Variants in FRRS1 observed in about 807,000 individuals in gnomAD.
The protein encoded by FRRS1 is ferric chelate reductase 1.
A neutral mutation model predicts 70.7 loss-of-function variants in FRRS1; 51 were observed. The observed-to-expected ratio is 0.72, with a 90% CI of 0.58 to 0.91. The LOEUF (loss-of-function observed/expected upper bound fraction) is 0.91, where lower values mean the gene tolerates loss of function less well. Ranked by LOEUF, FRRS1 falls within the 40% of genes least tolerant of loss-of-function variation. The pLI is 0.00. For missense variants in FRRS1, 672 were observed against 726.0 expected, an observed-to-expected ratio of 0.93 and a Z score of 0.86; for synonymous variants, 225 against 238.7, an observed-to-expected ratio of 0.94 and a Z score of 0.53.
At position 99,715,673 on chromosome 1, in the gene FRRS1, C is replaced by G; in HGVS notation, c.1237-1G>C. On this transcript the variant is annotated splice_acceptor_variant, in intron 11 of 16. Coordinates refer to ENST00000646001, the MANE Select transcript of FRRS1 (RefSeq NM_001361041.2). LOFTEE classifies it high-confidence loss of function. ...TGGTGAACATGAGCATCCGATGCAC[C>G]TGCAAGGTAAAATGACAAATTAAGA... 1 of 1,607,382 alleles carries G rather than the reference C, an allele frequency of 6.2e-7. No individual in the cohort carries two copies. Among genetic ancestry groups the G allele is most frequent in the East Asian group, 2.2e-5 (1 of 44,820 alleles).
At chr1:99,729,847 A>G (rs2100939684) in intron 7 of FRRS1, 99 bp from the exon 8 acceptor site, 2 of 709,964 alleles carry the variant, frequency 2.8e-6, no homozygotes, top group Non-Finnish European at 4.9e-6. Context: ...ATATTATGTG[A>G]TGCTTTGAAA....
At chr1:99,729,501 T>C in intron 8 of FRRS1, 149 bp downstream of exon 8, 1 of 538,148 alleles carries the variant, frequency 1.9e-6, no homozygotes, top group Non-Finnish European at 3.4e-6. Context: ...CAGAAATCAT[T>C]ATGAGAGGAG....
intron 9 of FRRS1, among the ~76,000 whole-genome samples, chr1:99,723,350 T>C (rs1654927766): frequency 6.6e-6 from 1 of 151,788 alleles, no homozygotes; most frequent in South Asian, 2.1e-4. Context: ...ACCCCATTTC[T>C]ACAAAAAATA....
At chr1:99,743,982 C>T (rs1474660112) in intron 4 of FRRS1, among the ~76,000 whole-genome samples, 1 of 150,740 alleles carries the variant, frequency 6.6e-6, no homozygotes, top group Non-Finnish European at 1.5e-5. Flanking sequence ...AGCTGAATTG[C>T]TTGATATATA....
chr1:99,712,789 A>C (rs1397666676), intron 12 of FRRS1, among the ~76,000 whole-genome samples: 1 of 152,206 alleles, frequency 6.6e-6, no homozygotes, highest in Non-Finnish European at 1.5e-5. Context: ...CAGAGATATC[A>C]AGAACTATGT....
chr1:99,740,769 A>G (rs748635236), intron 6 of FRRS1, 24 bp downstream of exon 6: 2 of 1,555,288 alleles, frequency 1.3e-6, no homozygotes, highest in South Asian at 1.1e-5. Context: ...CCATCTCTAC[A>G]GAGAAAATAA....
chr1:99,727,697 G>C (rs958037078), intron 9 of FRRS1, among the ~76,000 whole-genome samples: 1 of 152,100 alleles, frequency 6.6e-6, no homozygotes, highest in Admixed American at 6.6e-5. Flanking sequence ...TTTTCAAAGT[G>C]GGCTATATTC....
intron 1 of FRRS1, among the ~76,000 whole-genome samples, chr1:99,752,158 G>T (rs553641730): frequency 1.2e-4 from 18 of 152,184 alleles, no homozygotes; most frequent in African/African-American, 4.3e-4. Flanking sequence ...CAACAATAAG[G>T]CTGTTTTGCC....
intron 9 of FRRS1, among the ~76,000 whole-genome samples, chr1:99,719,974 A>C (rs754812419): frequency 6.6e-6 from 1 of 152,200 alleles, no homozygotes; most frequent in Admixed American, 6.5e-5. Context: ...ATATGGTCAC[A>C]AATCATTGAA....
In FRRS1 at chr1:99,719,599, T is replaced by C. The variant is rs770135851; in HGVS notation, c.1055A>G (p.Tyr352Cys). 4.3e-6 allele frequency: 7 copies of C among 1,612,042 alleles called. No individual in the cohort carries two copies. The highest frequency in any genetic ancestry group is 5.1e-6 in the Non-Finnish European group (6 of 1,178,380). ...GTTCTTTGGAGAGTCTGTCACATCA[T>C]ATTTTTCATAGGTAATCAAAGGTTG... The part of the protein sequence containing the change: ...SQQPLITYEK[Y>C]DVTDSPKNIG... Residue 352 changes from tyrosine (Y) to cysteine (C), a missense_variant, in exon 10 of 17, where the codon TAT (tyrosine) becomes TGT (cysteine). Tyr to Cys is a radical substitution (Grantham distance 194, BLOSUM62 -2). Transcript: ENST00000646001.
At chr1:99,758,911 A>C (rs1656981380) in intron 1 of FRRS1, among the ~76,000 whole-genome samples, 2 of 152,102 alleles carry the variant, frequency 1.3e-5, no homozygotes, top group Non-Finnish European at 1.5e-5. Flanking sequence ...ATAAGGACTG[A>C]GATACGCCCT....
intron 7 of FRRS1, among the ~76,000 whole-genome samples, chr1:99,733,701 G>T (rs929704573): frequency 1.3e-5 from 2 of 152,152 alleles, no homozygotes; most frequent in Non-Finnish European, 2.9e-5. Context: ...AAGAAAACTC[G>T]TATTTTCATA....
intron 7 of FRRS1, among the ~76,000 whole-genome samples, chr1:99,737,835 C>T (rs1655747442): frequency 6.6e-6 from 1 of 152,136 alleles, no homozygotes; most frequent in Non-Finnish European, 1.5e-5. Flanking sequence ...CTCCACCTCC[C>T]AGGTTCAAGT....
chr1:99,714,233 G>A (rs1654411347), intron 12 of FRRS1, among the ~76,000 whole-genome samples: 1 of 151,352 alleles, frequency 6.6e-6, no homozygotes, highest in African/African-American at 2.4e-5. Context: ...ACCCAAGCTG[G>A]AGTGCAGTGG....
At chr1:99,733,028 G>A (rs1025977887) in intron 7 of FRRS1, among the ~76,000 whole-genome samples, 1 of 151,858 alleles carries the variant, frequency 6.6e-6, no homozygotes, top group African/African-American at 2.4e-5. Context: ...TGAATTTTTT[G>A]TAGAGATGAG....
chr1:99,764,711 C>A (rs1371733193), intron 1 of FRRS1, among the ~76,000 whole-genome samples: 9 of 152,164 alleles, frequency 5.9e-5, no homozygotes, highest in Non-Finnish European at 1.0e-4. Flanking sequence ...AATTATTTAA[C>A]CTTACTGAGT....
chr1:99,737,940 AC>A (rs2100959234), intron 7 of FRRS1, 145 bp downstream of exon 7: 1 of 622,178 alleles, frequency 1.6e-6, no homozygotes, highest in East Asian at 2.9e-5. Flanking sequence ...GTGGGGTTTC[AC>A]CATCTCGGCC....
rs112233659 is a variant in FRRS1, at chr1:99,708,792, A to G, written c.*236T>C. 11 of 684,416 alleles carry G rather than the reference A, an allele frequency of 1.6e-5. No homozygotes were observed. Among genetic ancestry groups the G allele is most frequent in the African/African-American group, 7.3e-5 (4 of 54,984 alleles). 42.4% of individuals were successfully genotyped at this position (684,416 alleles called of 1,614,324 possible). A position where few individuals can be genotyped will look rare whatever the true frequency, so the allele number is the denominator to read the frequency against. On this transcript the variant is annotated 3_prime_UTR_variant, in exon 17 of 17. Transcript: ENST00000646001. Reference sequence around the variant, plus strand: ...TTGAGAGTTACTTCTCCTGAAGTACAATCTTTCCTTTAAGACCCAGAATTA... The same window carrying G: ...TTGAGAGTTACTTCTCCTGAAGTACGATCTTTCCTTTAAGACCCAGAATTA...
At chr1:99,726,997 G>A (rs1432909409) in intron 9 of FRRS1, among the ~76,000 whole-genome samples, 1 of 152,148 alleles carries the variant, frequency 6.6e-6, no homozygotes, top group African/African-American at 2.4e-5. Context: ...TTATAGGCGT[G>A]AGCCACTGCA....
Sources: allele counts gnomAD v4.1 joint callset (sites outside exome capture counted in the v4.1 genomes callset), GRCh38; gene constraint gnomAD v4.1.1; transcripts MANE v1.5; gene names NCBI Gene and HGNC (gene_info 2026-07-23, HGNC 2026-07-21).